Variants in JAM3 observed in about 807,000 individuals in gnomAD.
The protein encoded by JAM3 is junctional adhesion molecule 3, also known as junctional adhesion molecule C.
Under a neutral mutation model 39.4 loss-of-function variants are expected in JAM3, and 31 were observed. That is an observed-to-expected ratio of 0.79 (90% CI 0.59 to 1.06). JAM3 has a LOEUF of 1.06. Ranked by LOEUF, JAM3 falls within the 50% of genes least tolerant of loss-of-function variation. JAM3 has a pLI of 0.00. For missense variants in JAM3, 455 were observed against 391.4 expected (o/e 1.16, Z -1.37); for synonymous variants, 182 against 148.7 (o/e 1.22, Z -1.63).
At chr11:134,137,583 G>T (rs1051918656) in intron 1 of JAM3, among the ~76,000 whole-genome samples, 1 of 152,188 alleles carries the variant, frequency 6.6e-6, no homozygotes, top group South Asian at 2.1e-4. Flanking sequence ...TAGAGCCAGT[G>T]GTGGTGCCTC....
chr11:134,108,600 CAAAA>C (rs1179982768), intron 1 of JAM3, among the ~76,000 whole-genome samples: 2 of 152,032 alleles, frequency 1.3e-5, no homozygotes, highest in Admixed American at 1.3e-4. Flanking sequence ...AAAACAAAAA[CAAAA>C]ACCAACCGAG....
At chr11:134,132,522 T>A (rs1012059202) in intron 1 of JAM3, among the ~76,000 whole-genome samples, 1 of 152,248 alleles carries the variant, frequency 6.6e-6, no homozygotes, top group Non-Finnish European at 1.5e-5. Flanking sequence ...CACGAGTTAA[T>A]ATTTATAATT....
At chr11:134,069,546 G>A (rs1420201525) in intron 1 of JAM3, among the ~76,000 whole-genome samples, 1 of 151,412 alleles carries the variant, frequency 6.6e-6, no homozygotes, top group Non-Finnish European at 1.5e-5. Flanking sequence ...TGTGCTGGGC[G>A]GTGGGCTCAT....
At chr11:134,103,426 C>G (rs1361699818) in intron 1 of JAM3, among the ~76,000 whole-genome samples, 1 of 152,176 alleles carries the variant, frequency 6.6e-6, no homozygotes. Context: ...TTGTAAAGAC[C>G]ATCGATGCTA....
chr11:134,091,555 A>G (rs1309621496), intron 1 of JAM3, among the ~76,000 whole-genome samples: 1 of 151,370 alleles, frequency 6.6e-6, no homozygotes, highest in African/African-American at 2.4e-5. Context: ...TGGTAAGCCC[A>G]GAAGTTAGAG....
intron 1 of JAM3, among the ~76,000 whole-genome samples, chr11:134,128,332 T>G (rs561531408): frequency 6.6e-6 from 1 of 152,314 alleles, no homozygotes; most frequent in Non-Finnish European, 1.5e-5. Flanking sequence ...TGAGCTGGGA[T>G]TAAATGTCAT....
intron 1 of JAM3, among the ~76,000 whole-genome samples, chr11:134,102,004 T>C (rs188136854): frequency 6.6e-6 from 1 of 152,300 alleles, no homozygotes; most frequent in Non-Finnish European, 1.5e-5. Flanking sequence ...CAGGGAGTTG[T>C]GATCATGCCA....
rs143903276 is a variant in JAM3 at position 134,107,578 on chromosome 11, G to A, written c.77-32273G>A. 1.9e-4 allele frequency among the ~76,000 whole-genome samples: 29 copies of A among 152,092 alleles called. No homozygotes were observed. In the East Asian group the frequency reaches 3.7e-3, roughly 19 times the overall value. Reference sequence around the variant, plus strand: ...ACTAGGCCACTAAAGCAGTAACTAGGGTGAAATCTACAGCATGAAAGACCT... The same window carrying A: ...ACTAGGCCACTAAAGCAGTAACTAGAGTGAAATCTACAGCATGAAAGACCT... On this transcript the variant is annotated intron_variant, in intron 1 of 8. Transcript: ENST00000299106.
intron 6 of JAM3, 59 bp from the exon 7 acceptor site, chr11:134,148,488 G>A (rs754681546): frequency 6.0e-5 from 97 of 1,612,124 alleles, no homozygotes; most frequent in Non-Finnish European, 8.1e-5. Flanking sequence ...CAGGGCCAGG[G>A]CCTTTTTAAA....
intron 3 of JAM3, among the ~76,000 whole-genome samples, chr11:134,143,654 C>T (rs896082631): frequency 1.3e-5 from 2 of 152,308 alleles, no homozygotes; most frequent in Admixed American, 1.3e-4. Flanking sequence ...TTGTTTTCAC[C>T]TGCCTTTGTC....
At chr11:134,142,731 TTCA>T (rs796359805) in intron 3 of JAM3, among the ~76,000 whole-genome samples, 3 of 152,278 alleles carry the variant, frequency 2.0e-5, no homozygotes, top group African/African-American at 7.2e-5. Flanking sequence ...CCAGAACATT[TTCA>T]TCATCCCACA....
intron 1 of JAM3, among the ~76,000 whole-genome samples, chr11:134,120,642 T>C (rs890566877): frequency 6.6e-6 from 1 of 152,222 alleles, no homozygotes; most frequent in African/African-American, 2.4e-5. Flanking sequence ...TGCTCTGCTA[T>C]TCCGATGAGT....
At chr11:134,131,777 A>G (rs2120820521) in intron 1 of JAM3, among the ~76,000 whole-genome samples, 1 of 152,368 alleles carries the variant, frequency 6.6e-6, no homozygotes, top group African/African-American at 2.4e-5. Flanking sequence ...CAAATTTTGG[A>G]ACTGAAAATA....
rs1278546554 is a variant in JAM3, at chr11:134,144,370, T to C, written c.386T>C (p.Ile129Thr). The C allele has an allele frequency of 1.9e-6, 3 of 1,614,182 alleles. No individual in the cohort carries two copies. The highest frequency in any genetic ancestry group is 1.6e-4 in the Middle Eastern group (1 of 6,062). The change falls in exon 4 of 9, where the codon ATT (isoleucine) becomes ACT (threonine). Residue 129 changes from isoleucine (I) to threonine (T), a missense_variant. Physicochemically the swap from Ile to Thr is moderately conservative, Grantham distance 89. Coordinates refer to ENST00000299106, the MANE Select transcript of JAM3 (RefSeq NM_032801.5). Reference protein sequence around the residue: ...ARNDRKEIDEIVIELTVQVKP... With the variant: ...ARNDRKEIDETVIELTVQVKP... ...AATGACCGCAAGGAAATTGATGAGA[T>C]TGTGATCGAGTTAACTGTGCAAGGT...
chr11:134,079,666 C>A (rs1941632078), intron 1 of JAM3, among the ~76,000 whole-genome samples: 1 of 152,046 alleles, frequency 6.6e-6, no homozygotes, highest in Non-Finnish European at 1.5e-5. Flanking sequence ...TAATTTAAAC[C>A]CCACCTCTCT....
intron 1 of JAM3, among the ~76,000 whole-genome samples, chr11:134,119,212 C>G (rs1942491053): frequency 6.6e-6 from 1 of 152,054 alleles, no homozygotes; most frequent in Non-Finnish European, 1.5e-5. Flanking sequence ...AGGCATGAGT[C>G]AGCACGACTG....
intron 8 of JAM3, among the ~76,000 whole-genome samples, 153 bp from the exon 9 acceptor site, chr11:134,148,986 ACACACAC>A (rs879181676): frequency 1.3e-5 from 2 of 149,710 alleles, no homozygotes; most frequent in South Asian, 4.2e-4. Flanking sequence ...ACACACACAC[ACACACAC>A]ACTAATGGGA....
At chr11:134,098,783 C>G (rs904032355) in intron 1 of JAM3, among the ~76,000 whole-genome samples, 2 of 152,124 alleles carry the variant, frequency 1.3e-5, no homozygotes, top group African/African-American at 2.4e-5. Context: ...CCTGCTGATA[C>G]TTGTGAGGGA....
At chr11:134,128,781 A>G (rs1170577217) in intron 1 of JAM3, among the ~76,000 whole-genome samples, 3 of 152,162 alleles carry the variant, frequency 2.0e-5, no homozygotes, top group Admixed American at 1.3e-4. Context: ...TTCTTAATAA[A>G]TCACCCAGTC....
Sources: allele counts gnomAD v4.1 joint callset (sites outside exome capture counted in the v4.1 genomes callset), GRCh38; gene constraint gnomAD v4.1.1; transcripts MANE v1.5; gene names NCBI Gene and HGNC (gene_info 2026-07-23, HGNC 2026-07-21).